The following KSR2 variants were observed in gnomAD, a reference collection of about 807,000 sequenced individuals.
The protein encoded by KSR2 is kinase suppressor of ras 2.
KSR2 carries 25 observed loss-of-function variants against 107.8 expected under a neutral mutation model. The ratio of observed to expected loss-of-function variants is 0.23; its 90% CI spans 0.17 to 0.32. The LOEUF (loss-of-function observed/expected upper bound fraction) is 0.32. Among genes scored for constraint, KSR2 ranks in the 10% least tolerant of loss-of-function variants. The probability of loss-of-function intolerance (pLI) is 1.00; values close to 1 mark genes in which losing one functional copy is unlikely to be tolerated. For synonymous variants in KSR2, 480 were observed against 507.0 expected, an observed-to-expected ratio of 0.95 and a Z score of 0.71; for missense variants, 887 against 1,268.9, an observed-to-expected ratio of 0.70 and a Z score of 4.57.
chr12:117,965,068 G>A (rs1207295983), intron 1 of KSR2, among the ~76,000 whole-genome samples: 1 of 152,206 alleles, frequency 6.6e-6, no homozygotes, highest in Non-Finnish European at 1.5e-5. Flanking sequence ...GGGCTCCCTT[G>A]CAGCTAGGAC....
chr12:117,889,268 G>C (rs1894267440), intron 1 of KSR2, among the ~76,000 whole-genome samples: 1 of 152,136 alleles, frequency 6.6e-6, no homozygotes, highest in Non-Finnish European at 1.5e-5. Flanking sequence ...ATCTCTTGTG[G>C]TTATTATTAG....
At position 117,740,892 on chromosome 12, in the gene KSR2, T is replaced by A. The variant is rs558526194; in HGVS notation, c.986+20119A>T. On this transcript the variant is annotated intron_variant, in intron 4 of 19. Transcript: ENST00000339824. ...ATGCAAACACTCCCAAAAAGACTGA[T>A]GGATAGGCCACCGTGTCTGAGGCCC... Among the ~76,000 whole-genome samples the A allele has an allele frequency of 3.2e-4, 49 of 152,256 alleles. 1 individual carries two copies. In the South Asian group the frequency reaches 7.7e-3, roughly 24 times the overall value.
At chr12:117,825,355 G>C (rs1566034164) in intron 3 of KSR2, among the ~76,000 whole-genome samples, 1 of 152,124 alleles carries the variant, frequency 6.6e-6, no homozygotes, top group Non-Finnish European at 1.5e-5. Flanking sequence ...ATGGTTGGGG[G>C]CATGGCTGGG....
chr12:117,656,631 G>A (rs929532024), intron 5 of KSR2, among the ~76,000 whole-genome samples: 7 of 152,082 alleles, frequency 4.6e-5, no homozygotes, highest in Admixed American at 1.3e-4. Context: ...TAACGTTTGA[G>A]TCAGCGGGCT....
chr12:117,885,063 G>A (rs4520690), intron 1 of KSR2, among the ~76,000 whole-genome samples: 13 of 151,910 alleles, frequency 8.6e-5, no homozygotes, highest in Admixed American at 7.2e-4. Flanking sequence ...TTCACCCACC[G>A]GGGCCTCAGT....
At chr12:117,515,644 G>A (rs1415669093) in intron 14 of KSR2, among the ~76,000 whole-genome samples, 1 of 152,186 alleles carries the variant, frequency 6.6e-6, no homozygotes, top group Non-Finnish European at 1.5e-5. Flanking sequence ...ATAAAATGCA[G>A]GCCAGGCACG....
intron 1 of KSR2, among the ~76,000 whole-genome samples, chr12:117,958,186 A>G (rs1896569269): frequency 6.6e-6 from 1 of 152,088 alleles, no homozygotes; most frequent in South Asian, 2.1e-4. Context: ...CCCAGGTACC[A>G]AGGCCCTACC....
At chr12:117,628,521 C>T (rs1177653624) in intron 5 of KSR2, among the ~76,000 whole-genome samples, 1 of 152,176 alleles carries the variant, frequency 6.6e-6, no homozygotes, top group Non-Finnish European at 1.5e-5. Flanking sequence ...CTGGGTATCA[C>T]CAGCAGAGGC....
chr12:117,902,355 C>T (rs1301119072), intron 1 of KSR2, among the ~76,000 whole-genome samples: 1 of 151,842 alleles, frequency 6.6e-6, no homozygotes, highest in African/African-American at 2.4e-5. Context: ...CTACTTGGGA[C>T]ACTGAGGCAG....
chr12:117,735,783 C>T (rs769190176), intron 4 of KSR2, among the ~76,000 whole-genome samples: 22 of 152,044 alleles, frequency 1.4e-4, no homozygotes, highest in Non-Finnish European at 2.5e-4. Flanking sequence ...ATACGCTTAA[C>T]GGCTTAAAAA....
chr12:117,528,378 A>T (rs1319578689), intron 12 of KSR2, among the ~76,000 whole-genome samples: 1 of 152,130 alleles, frequency 6.6e-6, no homozygotes, highest in Admixed American at 6.5e-5. Flanking sequence ...AAGAGCTGAG[A>T]CAGGTGAGAA....
At chr12:117,490,015 C>T (rs1054735752) in intron 14 of KSR2, among the ~76,000 whole-genome samples, 5 of 152,212 alleles carry the variant, frequency 3.3e-5, no homozygotes, top group Non-Finnish European at 7.3e-5. Flanking sequence ...ACCTATATCA[C>T]CTCCATGATT....
At chr12:117,599,262 A>AC (rs1880808056) in intron 5 of KSR2, among the ~76,000 whole-genome samples, 2 of 152,066 alleles carry the variant, frequency 1.3e-5, no homozygotes, top group South Asian at 4.2e-4. Flanking sequence ...ATTTAATGAG[A>AC]CCCCCACCTG....
intron 2 of KSR2, among the ~76,000 whole-genome samples, chr12:117,858,415 G>A (rs761979776): frequency 2.6e-5 from 4 of 152,110 alleles, no homozygotes; most frequent in South Asian, 2.1e-4. Context: ...AAGGAAATAC[G>A]AGATTGCGCG....
At chr12:117,708,115 G>A (rs1436667325) in intron 4 of KSR2, among the ~76,000 whole-genome samples, 2 of 152,304 alleles carry the variant, frequency 1.3e-5, no homozygotes, top group East Asian at 1.9e-4. Flanking sequence ...TTAACATAGT[G>A]ACAAATCATT....
chr12:117,585,056 CTGTGTGTG>C (rs764103053), intron 5 of KSR2, among the ~76,000 whole-genome samples: 4 of 151,918 alleles, frequency 2.6e-5, no homozygotes, highest in East Asian at 1.9e-4. Flanking sequence ...CTGTGTGTGT[CTGTGTGTG>C]TGTGTGCGTG....
chr12:117,675,421 C>T (rs571702708), intron 4 of KSR2, among the ~76,000 whole-genome samples: 72 of 152,326 alleles, frequency 4.7e-4, no homozygotes, highest in Middle Eastern at 6.8e-3. Context: ...CAGTTAATTC[C>T]CAAGTAAGGG....
intron 9 of KSR2, among the ~76,000 whole-genome samples, chr12:117,546,698 A>G (rs1876893559): frequency 6.6e-6 from 1 of 152,096 alleles, no homozygotes; most frequent in Admixed American, 6.5e-5. Context: ...AATTTCTATC[A>G]TTCTATCTTC....
intron 5 of KSR2, among the ~76,000 whole-genome samples, chr12:117,604,499 G>T (rs12308267): frequency 6.6e-6 from 1 of 151,992 alleles, no homozygotes; most frequent in African/African-American, 2.4e-5. Flanking sequence ...TTTTCCACAC[G>T]GTTTGCTACT....
Sources: allele counts gnomAD v4.1 joint callset (sites outside exome capture counted in the v4.1 genomes callset), GRCh38; gene constraint gnomAD v4.1.1; transcripts MANE v1.5; gene names NCBI Gene and HGNC (gene_info 2026-07-23, HGNC 2026-07-21).